The following CBR4 variants were observed in gnomAD, a reference collection of about 807,000 sequenced individuals.
The protein encoded by CBR4 is carbonyl reductase 4, also known as 3-oxoacyl-[acyl-carrier-protein] reductase.
Under a neutral mutation model 21.0 loss-of-function variants are expected in CBR4, and 22 were observed. The observed-to-expected ratio is 1.05, with a 90% CI of 0.75 to 1.50. The LOEUF (loss-of-function observed/expected upper bound fraction) is 1.50, where lower values mean the gene tolerates loss of function less well. CBR4 is among the 40% of genes most tolerant of loss of function. The pLI is 0.00. For missense variants in CBR4, 302 were observed against 286.3 expected (o/e 1.05, Z -0.40); for synonymous variants, 100 against 104.4 (o/e 0.96, Z 0.26).
intron 1 of CBR4, 131 bp downstream of exon 1, chr4:169,009,817 A>G (rs1731251952): frequency 2.5e-6 from 2 of 802,734 alleles, no homozygotes; most frequent in South Asian, 3.8e-5. Flanking sequence ...GGAACGGGAG[A>G]GCGCCTGCAC....
intron 2 of CBR4, chr4:168,925,148 CAAATCACATTACTCTTTATA>C: frequency 6.3e-7 from 1 of 1,585,034 alleles, no homozygotes; most frequent in Non-Finnish European, 8.7e-7. Flanking sequence ...ATCTGGACAG[CAAATCACATTACTCTTTATA>C]AACAACTATT....
intron 2 of CBR4, among the ~76,000 whole-genome samples, chr4:168,968,393 CTA>C (rs1365196334): frequency 1.3e-5 from 2 of 152,218 alleles, no homozygotes; most frequent in African/African-American, 4.8e-5. Context: ...TCCCTTTGGA[CTA>C]TACTGTGACA....
intron 4 of CBR4, among the ~76,000 whole-genome samples, chr4:168,994,841 G>A (rs1467668548): frequency 7.3e-6 from 1 of 136,748 alleles, no homozygotes; most frequent in Non-Finnish European, 1.5e-5. Flanking sequence ...TGAAACCTCC[G>A]CCTCCCGGGT....
chr4:168,921,806 A>G, intron 2 of CBR4: 1 of 1,229,412 alleles, frequency 8.1e-7, no homozygotes, highest in Non-Finnish European at 1.2e-6. Context: ...ATGTAAACTA[A>G]TTCTACATTA....
intron 2 of CBR4, among the ~76,000 whole-genome samples, chr4:168,910,736 T>C (rs1233581582): frequency 6.6e-6 from 1 of 152,154 alleles, no homozygotes. Flanking sequence ...CTAAAGTCAC[T>C]CACCTGTAAG....
At chr4:168,970,688 C>T (rs532753677) in intron 2 of CBR4, among the ~76,000 whole-genome samples, 3 of 152,152 alleles carry the variant, frequency 2.0e-5, no homozygotes, top group African/African-American at 7.2e-5. Flanking sequence ...TTCCTAATGC[C>T]TTTGCTCCCA....
chr4:168,992,313 T>C (rs1018359153), intron 4 of CBR4, among the ~76,000 whole-genome samples: 1 of 152,110 alleles, frequency 6.6e-6, no homozygotes, highest in East Asian at 1.9e-4. Flanking sequence ...AAAGAATGTG[T>C]ACACATGGAT....
At chr4:168,996,320 A>G (rs1765199597) in intron 4 of CBR4, among the ~76,000 whole-genome samples, 1 of 152,182 alleles carries the variant, frequency 6.6e-6, no homozygotes, top group African/African-American at 2.4e-5. Context: ...TTTTTAAAAA[A>G]TTTATAAACT....
At chr4:168,990,461 G>C in intron 4 of CBR4, 133 bp from the exon 5 acceptor site, 2 of 754,930 alleles carry the variant, frequency 2.6e-6, no homozygotes, top group Non-Finnish European at 3.9e-6. Flanking sequence ...TTTTGAGACA[G>C]GGTCTCACTC....
intron 2 of CBR4, chr4:168,904,212 A>G (rs1332491488): frequency 6.0e-6 from 2 of 331,488 alleles, no homozygotes; most frequent in East Asian, 6.2e-5. Context: ...ATGGTAAAAA[A>G]TAAGCAATTA....
intron 2 of CBR4, among the ~76,000 whole-genome samples, chr4:168,923,803 T>C (rs1251877779): frequency 6.6e-6 from 1 of 152,212 alleles, no homozygotes; most frequent in Non-Finnish European, 1.5e-5. Context: ...ATATTCAGAA[T>C]ATTCATGGCA....
At chr4:169,000,135 T>C (rs1014547133) in intron 4 of CBR4, among the ~76,000 whole-genome samples, 2 of 152,204 alleles carry the variant, frequency 1.3e-5, no homozygotes, top group African/African-American at 4.8e-5. Flanking sequence ...AGCAAATACA[T>C]GTAGTTCCAA....
chr4:169,009,012 A>G (rs563889215), intron 1 of CBR4: 1 of 455,468 alleles, frequency 2.2e-6, no homozygotes, highest in Non-Finnish European at 4.4e-6. Flanking sequence ...AGAGCCAGTA[A>G]ATCAGGAGTT....
chr4:168,894,605 T>C, exon 3 of CBR4: 1 of 1,613,574 alleles, frequency 6.2e-7, no homozygotes, highest in Non-Finnish European at 8.5e-7. Context: ...AAAGAATGGC[T>C]CGTCGACTGC....
At position 168,988,022 on chromosome 4, in the gene CBR4, T is replaced by C. The variant is rs957653803; in HGVS notation, c.*2128A>G. 44 of 985,244 alleles carry C rather than the reference T, an allele frequency of 4.5e-5. No homozygotes were observed. The highest frequency in any genetic ancestry group is 6.2e-5 in the Admixed American group (1 of 16,260). 61.0% of individuals were successfully genotyped at this position (985,244 alleles called of 1,614,324 possible). On this transcript the variant is annotated 3_prime_UTR_variant, in exon 5 of 5. Coordinates refer to ENST00000306193, the MANE Select transcript of CBR4 (RefSeq NM_032783.5). The stretch of plus-strand genomic sequence containing the variant: ...GAGTCAGCAAACAGCTACAGATGAG[T>C]CTTCTTGTTAAGAATTCATTCAATG...
rs750607130 is a variant in CBR4 at position 169,002,178 on chromosome 4, G to A, written c.428C>T (p.Ser143Phe). 6.9e-7 allele frequency: 1 copy of A among 1,458,110 alleles called. No homozygotes were observed. Among genetic ancestry groups the A allele is most frequent in the Non-Finnish European group, 9.1e-7 (1 of 1,102,286 alleles). The allele number at this position is 1,458,110 out of a possible 1,614,324, so 90.3% of individuals were successfully genotyped here. A position where few individuals can be genotyped will look rare whatever the true frequency, so the allele number is the denominator to read the frequency against. ...VGSIVGLKGN[S>F]GQSVYSASKG... ...ACTGGCACTGTAAACGGACTGGCCA[G>A]AGTTGCCTTTTAAGCCAACAATGCT... Residue 143 changes from serine to phenylalanine, a missense_variant, in exon 4 of 5, where the codon TCT becomes TTT. Physicochemically the swap from Ser to Phe is radical, Grantham distance 155. Coordinates refer to ENST00000306193, the MANE Select transcript of CBR4 (RefSeq NM_032783.5).
At chr4:168,908,131 C>T (rs1371227059) in intron 2 of CBR4, among the ~76,000 whole-genome samples, 2 of 152,152 alleles carry the variant, frequency 1.3e-5, no homozygotes, top group Non-Finnish European at 1.5e-5. Context: ...AGTTTCTGAG[C>T]ATGTTGCCTA....
intron 2 of CBR4, chr4:168,894,864 G>C (rs1039422295): frequency 6.9e-6 from 6 of 869,344 alleles, no homozygotes; most frequent in Admixed American, 5.5e-5. Flanking sequence ...TTAAGTGACT[G>C]ACAGAATTCT....
At chr4:168,980,435 A>G (rs1343566174) in intron 2 of CBR4, among the ~76,000 whole-genome samples, 1 of 152,200 alleles carries the variant, frequency 6.6e-6, no homozygotes, top group Non-Finnish European at 1.5e-5. Flanking sequence ...AAACACAGAC[A>G]AGAATTCAGC....
Sources: allele counts gnomAD v4.1 joint callset (sites outside exome capture counted in the v4.1 genomes callset), GRCh38; gene constraint gnomAD v4.1.1; transcripts MANE v1.5; gene names NCBI Gene and HGNC (gene_info 2026-07-23, HGNC 2026-07-21).